The following MAPKBP1 variants were observed in gnomAD, a reference collection of about 807,000 sequenced individuals.
MAPKBP1 encodes mitogen-activated protein kinase-binding protein 1.
MAPKBP1 carries 71 observed loss-of-function variants against 170.5 expected under a neutral mutation model. That is an observed-to-expected ratio of 0.42 (90% CI 0.34 to 0.51). The LOEUF (loss-of-function observed/expected upper bound fraction) is 0.51, where lower values mean the gene tolerates loss of function less well. Among genes scored for constraint, MAPKBP1 ranks in the 20% least tolerant of loss-of-function variants. The probability of loss-of-function intolerance (pLI) is 0.06; values close to 1 mark genes in which losing one functional copy is unlikely to be tolerated. For missense variants in MAPKBP1, 1,598 were observed against 1,933.0 expected, an observed-to-expected ratio of 0.83 and a Z score of 3.25; for synonymous variants, 719 against 757.9, an observed-to-expected ratio of 0.95 and a Z score of 0.84.
In MAPKBP1 at chr15:41,819,271, C is replaced by A. The variant is rs2064945295; in HGVS notation, c.2317C>A (p.Pro773Thr). The A allele has an allele frequency of 6.2e-7, 1 of 1,614,064 alleles. No individual in the cohort carries two copies. The highest frequency in any genetic ancestry group is 1.7e-5 in the Admixed American group (1 of 60,010). ...NRHQAPSMLS[P>T]GPALSSDSDK... ...GCACCAGGCCCCATCAATGCTGTCT[C>A]CTGGACCGGCTCTCTCATCAGACAG... Residue 773 changes from proline (P) to threonine (T), a missense_variant, in exon 21 of 31, where the codon CCT becomes ACT. Physicochemically the swap from Pro to Thr is conservative, Grantham distance 38. Transcript: ENST00000457542.
rs570679636 is a variant in MAPKBP1 at position 41,825,676 on chromosome 15, G to T, written c.*240G>T. 29 of 463,378 alleles carry T rather than the reference G, an allele frequency of 6.3e-5. No homozygotes were observed. The highest frequency in any genetic ancestry group is 1.1e-4 in the Non-Finnish European group (28 of 259,264). The allele number at this position is 463,378 out of a possible 1,614,324, so 28.7% of individuals were successfully genotyped here. A position where few individuals can be genotyped will look rare whatever the true frequency, so the allele number is the denominator to read the frequency against. The stretch of plus-strand genomic sequence containing the variant: ...ACAGCCCCTCCAGTGGCAGGGACAG[G>T]TCTTGGGTCTTTGTCATCTTGGTGC... On this transcript the variant is annotated 3_prime_UTR_variant, in exon 31 of 31. Transcript: ENST00000457542.
chr15:41,820,841 T>C lies in MAPKBP1; in HGVS notation c.2491T>C (p.Ser831Pro). ...SHWEMSRAQE[S>P]VGFLDPAPAA... Reference sequence around the variant, plus strand: ...CCCTACCTCCCACCAGGCACAGGAGTCCGTGGGGTTCCTGGACCCAGCTCC... The same window carrying C: ...CCCTACCTCCCACCAGGCACAGGAGCCCGTGGGGTTCCTGGACCCAGCTCC... The change falls in exon 23 of 31, where the codon TCC (serine) becomes CCC (proline). Residue 831 changes from serine to proline, a missense_variant. Ser to Pro is a moderately conservative substitution (Grantham distance 74). This residue lies in a region of MAPKBP1 where 942 missense variants were observed against 953.2 expected (regional missense o/e 0.99). Transcript: ENST00000457542. The C allele has an allele frequency of 6.2e-7, 1 of 1,613,430 alleles. No homozygotes were observed. The highest frequency in any genetic ancestry group is 2.2e-5 in the East Asian group (1 of 44,872).
rs2064919739 is a variant in MAPKBP1, at chr15:41,817,820, C to G, written c.1904+85C>G. 1 of 1,586,584 alleles carries G rather than the reference C, an allele frequency of 6.3e-7. No homozygotes were observed. Among genetic ancestry groups the G allele is most frequent in the South Asian group, 1.1e-5 (1 of 87,898 alleles). ...TGTGCAGCTAAGTTCCCACATCTGT[C>G]GTTCTGTACAGGACTTTGTACCCCC... On this transcript the variant is annotated intron_variant, in intron 16 of 30. Coordinates refer to ENST00000457542, the MANE Select transcript of MAPKBP1 (RefSeq NM_014994.3). This position sits in a 1 kb window ranked among gnomAD's most constrained non-coding sequence, Gnocchi z 4.2.
intron 2 of MAPKBP1, among the ~76,000 whole-genome samples, chr15:41,790,413 T>C (rs140590631): frequency 3.3e-4 from 50 of 152,284 alleles, no homozygotes; most frequent in African/African-American, 1.2e-3. Context: ...GGACTGTTGT[T>C]ACATGAAAAA....
chr15:41,785,833 A>G (rs1460364631), intron 2 of MAPKBP1, among the ~76,000 whole-genome samples: 2 of 152,216 alleles, frequency 1.3e-5, no homozygotes, highest in Non-Finnish European at 2.9e-5. Context: ...CAATTTGGTA[A>G]TATCTATTAG....
intron 2 of MAPKBP1, among the ~76,000 whole-genome samples, chr15:41,789,102 C>T (rs1000155882): frequency 3.3e-5 from 5 of 152,200 alleles, no homozygotes; most frequent in Non-Finnish European, 5.9e-5. Flanking sequence ...GAGACACATT[C>T]ACTTTGCACA....
chr15:41,779,294 T>C (rs1477786942), intron 2 of MAPKBP1, among the ~76,000 whole-genome samples: 1 of 152,188 alleles, frequency 6.6e-6, no homozygotes, highest in East Asian at 1.9e-4. Flanking sequence ...CACTGCAAAC[T>C]CTGCCTCCCG....
chr15:41,787,674 A>G (rs1431175783), intron 2 of MAPKBP1, among the ~76,000 whole-genome samples: 2 of 151,826 alleles, frequency 1.3e-5, no homozygotes, highest in Non-Finnish European at 2.9e-5. Context: ...CCGCGAACAC[A>G]TTCTTTAATT....
At position 41,823,194 on chromosome 15, in the gene MAPKBP1, C is replaced by T; in HGVS notation, c.3570C>T (p.Ala1190=). The T allele has an allele frequency of 6.2e-7, 1 of 1,613,638 alleles. No individual in the cohort carries two copies. The highest frequency in any genetic ancestry group is 8.5e-7 in the Non-Finnish European group (1 of 1,179,996). The change falls in exon 28 of 31, where the codon GCC becomes GCT. Residue 1190 remains alanine (A), a synonymous_variant. Coordinates refer to ENST00000457542, the MANE Select transcript of MAPKBP1 (RefSeq NM_014994.3). ...GCCCCTTTTCTGGACTCCAGAAGGC[C>T]CAGTCTGTGCACAGTCTGGTGCCAC... The part of the protein sequence containing the change: ...TASPFSGLQK[A]QSVHSLVPQE...
At chr15:41,803,602 C>A (rs2064639582) in intron 3 of MAPKBP1, among the ~76,000 whole-genome samples, 1 of 151,366 alleles carries the variant, frequency 6.6e-6, no homozygotes, top group Non-Finnish European at 1.5e-5. Flanking sequence ...GTAGTCCTAG[C>A]AACTGGGGAG....
chr15:41,820,744 C>A (rs1297657989), intron 22 of MAPKBP1, 88 bp from the exon 23 acceptor site: 3 of 933,594 alleles, frequency 3.2e-6, no homozygotes, highest in South Asian at 1.6e-5. Context: ...GTGTAGTGTG[C>A]CAGGCACATA....
intron 2 of MAPKBP1, among the ~76,000 whole-genome samples, chr15:41,796,428 G>A (rs1159289752): frequency 2.6e-5 from 4 of 152,210 alleles, no homozygotes; most frequent in Non-Finnish European, 4.4e-5. Context: ...AAGCATAGAT[G>A]TTGGAGGCCT....
At position 41,811,227 on chromosome 15, in the gene MAPKBP1, A is replaced by G. The variant is rs758304883; in HGVS notation, c.319A>G (p.Thr107Ala). Residue 107 changes from threonine (T) to alanine (A), a missense_variant, in exon 5 of 31, where the codon ACT (threonine) becomes GCT (alanine). Physicochemically the swap from Thr to Ala is moderately conservative, Grantham distance 58 (BLOSUM62 0). This residue lies in a region of MAPKBP1 where 151 missense variants were observed against 191.4 expected (regional missense o/e 0.79). Coordinates refer to ENST00000457542, the MANE Select transcript of MAPKBP1 (RefSeq NM_014994.3). Reference protein sequence around the residue: ...AFSPDGKYLVTGESGHMPAVR... With the variant: ...AFSPDGKYLVAGESGHMPAVR... ...CTCCCCTGATGGCAAGTACTTGGTCACTGGAGAGGTGAGTGAGGAAGAGGG... is the reference window on the plus strand; with the variant it reads ...CTCCCCTGATGGCAAGTACTTGGTCGCTGGAGAGGTGAGTGAGGAAGAGGG... 6.2e-7 allele frequency: 1 copy of G among 1,614,254 alleles called. No individual in the cohort carries two copies. Among genetic ancestry groups the G allele is most frequent in the Non-Finnish European group, 8.5e-7 (1 of 1,180,048 alleles).
intron 22 of MAPKBP1, 143 bp downstream of exon 22, chr15:41,819,793 C>CG (rs1483402377): frequency 9.3e-6 from 8 of 858,754 alleles, no homozygotes; most frequent in Admixed American, 2.8e-5. Flanking sequence ...AAGGCCTTGT[C>CG]GGGGAAGTTG....
Position 41,817,780 on chromosome 15 carries a change from C to A in MAPKBP1, c.1904+45C>A, listed in dbSNP as rs189885527. ...ACTCTGCCCACATTCCTTCATCTCC[C>A]TACGGGGTCAGCTCTGTGCAGCTAA... On this transcript the variant is annotated intron_variant, in intron 16 of 30. Coordinates refer to ENST00000457542, the MANE Select transcript of MAPKBP1 (RefSeq NM_014994.3). This position sits in a 1 kb window ranked among gnomAD's most constrained non-coding sequence, Gnocchi z 4.2. 1.1e-4 allele frequency: 172 copies of A among 1,599,468 alleles called. 1 individual carries two copies. In the African/African-American group the frequency reaches 2.1e-3, roughly 19 times the overall value.
chr15:41,822,502 G>A (rs2065016057), intron 26 of MAPKBP1, 80 bp downstream of exon 26: 8 of 1,604,720 alleles, frequency 5.0e-6, no homozygotes, highest in Non-Finnish European at 5.1e-6. Context: ...GGGTCCCAGG[G>A]TATAGGCTGT....
intron 2 of MAPKBP1, among the ~76,000 whole-genome samples, chr15:41,786,777 A>AAATATAT: frequency 0.014 from 452 of 32,320 alleles, 16 homozygotes; most frequent in Non-Finnish European, 0.02. Context: ...AAAAAAAAAA[A>AAATATAT]ATATATATAT....
At position 41,822,600 on chromosome 15, in the gene MAPKBP1, A is replaced by G. The variant is rs2065017895; in HGVS notation, c.3237A>G (p.Pro1079=). ...TTTCTCTGACCTTGGTAGGGGCCCCAGTGCAGGTCCCAGAGAGGTCAGAGT... is the reference window on the plus strand; with the variant it reads ...TTTCTCTGACCTTGGTAGGGGCCCCGGTGCAGGTCCCAGAGAGGTCAGAGT... ...TLASGAAPGA[P]VQVPERSESR... The change falls in exon 27 of 31, where the codon CCA becomes CCG. Residue 1079 remains proline (P), a synonymous_variant. Transcript: ENST00000457542. The G allele has an allele frequency of 3.1e-6, 5 of 1,613,998 alleles. No individual in the cohort carries two copies. Among genetic ancestry groups the G allele is most frequent in the Non-Finnish European group, 4.2e-6 (5 of 1,179,942 alleles).
At chr15:41,780,791 A>C (rs1297083908) in intron 2 of MAPKBP1, among the ~76,000 whole-genome samples, 1 of 151,770 alleles carries the variant, frequency 6.6e-6, no homozygotes, top group African/African-American at 2.4e-5. Flanking sequence ...TGAGGAAGGC[A>C]AGAAATAAAA....
Sources: gnomAD v4.1 joint callset for allele counts (sites outside exome capture counted in the v4.1 genomes callset) on GRCh38, gnomAD v4.1.1 for gene constraint, gnomAD v4.1.1 regional missense constraint, Gnocchi (gnomAD v3.1) non-coding constraint, MANE v1.5 for transcripts, NCBI Gene and HGNC (gene_info 2026-07-23, HGNC 2026-07-21) for gene names.